Variants in PRKN observed in about 807,000 individuals in gnomAD.
PRKN encodes E3 ubiquitin-protein ligase parkin.
PRKN carries 56 observed loss-of-function variants against 59.5 expected under a neutral mutation model. That is an observed-to-expected ratio of 0.94 (90% CI 0.76 to 1.18). The LOEUF (loss-of-function observed/expected upper bound fraction) is 1.18. Among genes scored for constraint, PRKN ranks in the 50% most tolerant of loss-of-function variants. The pLI is 0.00. For synonymous variants in PRKN, 250 were observed against 222.1 expected, an observed-to-expected ratio of 1.13 and a Z score of -1.12; for missense variants, 657 against 596.4, an observed-to-expected ratio of 1.10 and a Z score of -1.06.
At chr6:162,110,611 C>T (rs185516187) in intron 4 of PRKN, among the ~76,000 whole-genome samples, 5 of 152,156 alleles carry the variant, frequency 3.3e-5, no homozygotes, top group East Asian at 3.9e-4. Context: ...TTAAAAAGAC[C>T]GTTGAAGAAT....
At chr6:161,767,332 T>C (rs1026686445) in intron 7 of PRKN, among the ~76,000 whole-genome samples, 1 of 151,982 alleles carries the variant, frequency 6.6e-6, no homozygotes, top group African/African-American at 2.4e-5. Context: ...GCTAACACGG[T>C]GAAACGCCAT....
At chr6:162,063,794 C>T (rs540406826) in intron 4 of PRKN, among the ~76,000 whole-genome samples, 1 of 152,322 alleles carries the variant, frequency 6.6e-6, no homozygotes, top group African/African-American at 2.4e-5. Context: ...ATCCGCCTGC[C>T]TTGGCCTCCC....
chr6:161,865,916 C>T (rs1363542767), intron 6 of PRKN, among the ~76,000 whole-genome samples: 1 of 152,174 alleles, frequency 6.6e-6, no homozygotes, highest in African/African-American at 2.4e-5. Context: ...TAGTTTTTGG[C>T]CTATCTCAGC....
chr6:162,145,259 G>A (rs887469056), intron 4 of PRKN, among the ~76,000 whole-genome samples: 1 of 152,142 alleles, frequency 6.6e-6, no homozygotes, highest in African/African-American at 2.4e-5. Flanking sequence ...AGACCTGGAT[G>A]TCAACAGTTC....
In PRKN at chr6:161,675,006, T is replaced by C. The variant is rs573068436; in HGVS notation, c.872-105590A>G. On this transcript the variant is annotated intron_variant, in intron 7 of 11. Transcript: ENST00000366898. ...GGGTGTCATACACCTCCAGTGACTT[T>C]TGCCTTAGCAAGAAGACAGATACAG... 7.9e-5 allele frequency among the ~76,000 whole-genome samples: 12 copies of C among 152,314 alleles called. No individual in the cohort carries two copies. The South Asian group carries it at 2.5e-3, about 32-fold the overall frequency.
intron 6 of PRKN, among the ~76,000 whole-genome samples, chr6:161,929,690 A>C (rs1304061043): frequency 6.6e-6 from 1 of 151,702 alleles, no homozygotes; most frequent in African/African-American, 2.4e-5. Flanking sequence ...CACCTGGCTA[A>C]TTTTTTAGTA....
rs1234223623 is a variant in PRKN, at chr6:161,531,240, G to T, written c.1083+17614C>A. On this transcript the variant is annotated intron_variant, in intron 9 of 11. Transcript: ENST00000366898. ...ACTAAAAATACAAAAAATTAGCCGG[G>T]TATGGTGGCGGGCGCCTGTAGTCCC... Among the ~76,000 whole-genome samples the T allele has an allele frequency of 2.6e-5, 4 of 151,998 alleles. No individual in the cohort carries two copies. The East Asian group carries it at 7.8e-4, about 30-fold the overall frequency.
chr6:162,186,366 C>T (rs2128324811), intron 4 of PRKN, among the ~76,000 whole-genome samples: 1 of 150,968 alleles, frequency 6.6e-6, no homozygotes, highest in East Asian at 2.0e-4. Flanking sequence ...GAAAGTACAT[C>T]CTTTTCTTCC....
intron 7 of PRKN, among the ~76,000 whole-genome samples, chr6:161,767,294 AC>A (rs924758765): frequency 1.4e-4 from 22 of 152,162 alleles, no homozygotes; most frequent in Non-Finnish European, 7.3e-5. Flanking sequence ...CGGGCGGATC[AC>A]TAGGTCAGGA....
intron 1 of PRKN, among the ~76,000 whole-genome samples, chr6:162,631,977 T>C (rs1583945160): frequency 2.1e-5 from 3 of 146,328 alleles, no homozygotes; most frequent in East Asian, 4.2e-4. Context: ...ATGGCTATTA[T>C]TAAAAAGTAA....
At chr6:162,398,941 T>C (rs568693825) in intron 2 of PRKN, among the ~76,000 whole-genome samples, 2 of 152,314 alleles carry the variant, frequency 1.3e-5, no homozygotes, top group South Asian at 2.1e-4. Context: ...ACTGAAGATG[T>C]AAATTTTTAC....
intron 6 of PRKN, among the ~76,000 whole-genome samples, chr6:161,902,717 C>T (rs1583322752): frequency 2.0e-5 from 3 of 151,904 alleles, no homozygotes; most frequent in South Asian, 2.1e-4. Flanking sequence ...CCTGCCACCA[C>T]GCCTAATTTT....
intron 4 of PRKN, among the ~76,000 whole-genome samples, chr6:162,164,000 G>C (rs1782873074): frequency 6.7e-6 from 1 of 148,942 alleles, no homozygotes; most frequent in African/African-American, 2.5e-5. Context: ...AATGAGGGCG[G>C]AGATGATTTA....
chr6:161,814,861 A>G (rs1791707365), intron 6 of PRKN, among the ~76,000 whole-genome samples: 1 of 152,202 alleles, frequency 6.6e-6, no homozygotes, highest in African/African-American at 2.4e-5. Context: ...TCAGGAGAGC[A>G]GCATGGGAAA....
At chr6:161,723,985 G>A (rs1332533062) in intron 7 of PRKN, among the ~76,000 whole-genome samples, 5 of 152,314 alleles carry the variant, frequency 3.3e-5, no homozygotes, top group Admixed American at 1.3e-4. Flanking sequence ...CTGTGAGTGC[G>A]TGGAAGCAGC....
chr6:162,481,601 T>C (rs146323098), intron 1 of PRKN, among the ~76,000 whole-genome samples: 3 of 152,320 alleles, frequency 2.0e-5, no homozygotes, highest in African/African-American at 7.2e-5. Context: ...GGGAACATTA[T>C]TTGCTGCTGC....
At chr6:161,795,490 T>TC (rs1182082693) in intron 6 of PRKN, among the ~76,000 whole-genome samples, 1 of 152,138 alleles carries the variant, frequency 6.6e-6, no homozygotes, top group African/African-American at 2.4e-5. Flanking sequence ...CGCCTCAGCC[T>TC]CCCAGTGCTG....
At chr6:162,509,719 A>G (rs1424509865) in intron 1 of PRKN, among the ~76,000 whole-genome samples, 1 of 152,230 alleles carries the variant, frequency 6.6e-6, no homozygotes, top group Non-Finnish European at 1.5e-5. Flanking sequence ...TTTTACGCAG[A>G]CACTGCTGTA....
In PRKN at chr6:161,399,027, C is replaced by T. The variant is rs576305047; in HGVS notation, c.1084-12150G>A. 1.3e-3 allele frequency among the ~76,000 whole-genome samples: 202 copies of T among 152,240 alleles called. No homozygotes were observed. The highest frequency in any genetic ancestry group is 4.4e-3 in the African/African-American group (181 of 41,540). On this transcript the variant is annotated intron_variant, in intron 9 of 11. Coordinates refer to ENST00000366898, the MANE Select transcript of PRKN (RefSeq NM_004562.3). The surrounding 1 kb of genome is among the most constrained non-coding windows in gnomAD (Gnocchi z 4.4). ...ATCCTGTCCCTATATAAACTCCAAA[C>T]CCCAGGCTCCATGAGCAGAAGAGCA...
Sources: allele counts gnomAD v4.1 joint callset (sites outside exome capture counted in the v4.1 genomes callset), GRCh38; gene constraint gnomAD v4.1.1; non-coding constraint Gnocchi (gnomAD v3.1); transcripts MANE v1.5; gene names NCBI Gene and HGNC (gene_info 2026-07-23, HGNC 2026-07-21).